Variants in NEMP2 observed in about 807,000 individuals in gnomAD.
NEMP2 encodes UPF0571 transmembrane protein.
Under a neutral mutation model 54.2 loss-of-function variants are expected in NEMP2, and 53 were observed. That is an observed-to-expected ratio of 0.98 (90% CI 0.78 to 1.23). The LOEUF (loss-of-function observed/expected upper bound fraction) is 1.23. Among genes scored for constraint, NEMP2 ranks in the 50% most tolerant of loss-of-function variants. The pLI, the probability that NEMP2 is intolerant of heterozygous loss-of-function variation, is 0.00. For missense variants in NEMP2, 455 were observed against 511.3 expected, an observed-to-expected ratio of 0.89 and a Z score of 1.06; for synonymous variants, 197 against 190.3, an observed-to-expected ratio of 1.04 and a Z score of -0.29.
the NEMP2 span, among the ~76,000 whole-genome samples, chr2:190,565,592 C>T: frequency 6.6e-6 from 1 of 152,174 alleles, no homozygotes; most frequent in African/African-American, 2.4e-5. Flanking sequence ...ATGATTATTT[C>T]ACCCAGCCCC....
chr2:190,440,986 G>A, the NEMP2 span, among the ~76,000 whole-genome samples: 1 of 152,286 alleles, frequency 6.6e-6, no homozygotes, highest in Admixed American at 6.5e-5. Flanking sequence ...GCACATGATA[G>A]TCTGGTCACT....
the NEMP2 span, among the ~76,000 whole-genome samples, chr2:190,554,049 G>A: frequency 3.9e-5 from 6 of 152,208 alleles, no homozygotes; most frequent in Non-Finnish European, 7.3e-5. This position sits in a 1 kb window ranked among gnomAD's most constrained non-coding sequence, Gnocchi z 5.7. Flanking sequence ...CCTCATCCGG[G>A]AAGCACAAGG....
the NEMP2 span, among the ~76,000 whole-genome samples, chr2:190,546,705 T>C: frequency 6.6e-6 from 1 of 152,160 alleles, no homozygotes; most frequent in African/African-American, 2.4e-5. This position sits in a 1 kb window ranked among gnomAD's most constrained non-coding sequence, Gnocchi z 5.1. Context: ...GATTTATAGG[T>C]CCTGTCCTTA....
the NEMP2 span, chr2:190,444,924 G>T: frequency 6.3e-6 from 5 of 799,864 alleles, no homozygotes; most frequent in Non-Finnish European, 7.6e-6. Context: ...TTTGCACTAT[G>T]TATCTTGGTA....
chr2:190,534,543 G>A lies in NEMP2; in HGVS notation c.97+16C>T. On this transcript the variant is annotated intron_variant, in intron 1 of 8. Transcript: ENST00000409150. Reference sequence around the variant, plus strand: ...GAGCACGCACGCGCGCGCCGCCGCCGCCGGTCCCGGGTTACCTGATAACGC... The same window carrying A: ...GAGCACGCACGCGCGCGCCGCCGCCACCGGTCCCGGGTTACCTGATAACGC... The A allele has an allele frequency of 7.2e-7, 1 of 1,390,748 alleles. No individual in the cohort carries two copies. The highest frequency in any genetic ancestry group is 9.3e-7 in the Non-Finnish European group (1 of 1,077,580). 86.2% of individuals were successfully genotyped at this position (1,390,748 alleles called of 1,614,324 possible). A position where few individuals can be genotyped will look rare whatever the true frequency, so the allele number is the denominator to read the frequency against.
the NEMP2 span, among the ~76,000 whole-genome samples, chr2:190,451,599 A>G: frequency 6.6e-6 from 1 of 152,214 alleles, no homozygotes; most frequent in African/African-American, 2.4e-5. The surrounding 1 kb of genome is among the most constrained non-coding windows in gnomAD (Gnocchi z 5.0). Context: ...GAAGGGTCCT[A>G]AGAGTGACTG....
chr2:190,430,320 A>G, the NEMP2 span, among the ~76,000 whole-genome samples: 2 of 150,740 alleles, frequency 1.3e-5, no homozygotes, highest in South Asian at 2.1e-4. Context: ...GTGAACAAAG[A>G]TCTCTGGTTT....
the NEMP2 span, among the ~76,000 whole-genome samples, chr2:190,612,032 C>G: frequency 6.6e-6 from 1 of 152,228 alleles, no homozygotes; most frequent in Admixed American, 6.5e-5. Context: ...GAGGCCTAAT[C>G]ACCTTCAAAC....
the NEMP2 span, among the ~76,000 whole-genome samples, chr2:190,438,415 C>G: frequency 6.6e-6 from 1 of 152,138 alleles, no homozygotes; most frequent in Non-Finnish European, 1.5e-5. This position sits in a 1 kb window ranked among gnomAD's most constrained non-coding sequence, Gnocchi z 5.2. Context: ...ACTCGGGAGG[C>G]TGACGCACAA....
chr2:190,474,494 C>A, the NEMP2 span, among the ~76,000 whole-genome samples: 2 of 152,178 alleles, frequency 1.3e-5, no homozygotes, highest in Non-Finnish European at 2.9e-5. Flanking sequence ...TTGACACAAA[C>A]AACCTCCCAA....
chr2:190,532,015 C>T (rs1378919273), intron 1 of NEMP2, among the ~76,000 whole-genome samples: 1 of 152,088 alleles, frequency 6.6e-6, no homozygotes, highest in African/African-American at 2.4e-5. Flanking sequence ...AGAATGGAAT[C>T]ATAATATAAA....
rs1690410899 is a variant in NEMP2, at chr2:190,512,724, G to T, written c.953+1729C>A. Among the ~76,000 whole-genome samples the T allele has an allele frequency of 6.6e-6, 1 of 152,180 alleles. No homozygotes were observed. Among genetic ancestry groups the T allele is most frequent in the African/African-American group, 2.4e-5 (1 of 41,452 alleles). ...GCCAGGGACCTGGAAGATGTTGGGG[G>T]ACCAGCCTCACTGACAAAAGACCTC... On this transcript the variant is annotated intron_variant, in intron 7 of 8. Coordinates refer to ENST00000409150, the MANE Select transcript of NEMP2 (RefSeq NM_001142645.2). The surrounding 1 kb of genome is among the most constrained non-coding windows in gnomAD (Gnocchi z 4.5).
chr2:190,569,217 TAGAA>T, the NEMP2 span, among the ~76,000 whole-genome samples: 6 of 152,266 alleles, frequency 3.9e-5, 1 homozygote, highest in African/African-American at 9.6e-5. Flanking sequence ...TAAACAATTT[TAGAA>T]AGAAAAATGA....
chr2:190,427,027 T>G, the NEMP2 span, among the ~76,000 whole-genome samples: 24 of 152,218 alleles, frequency 1.6e-4, no homozygotes, highest in African/African-American at 4.8e-4. Flanking sequence ...CCAGTAGGCC[T>G]CCTCACATGG....
the NEMP2 span, among the ~76,000 whole-genome samples, chr2:190,572,833 GTATATATATATATATATATATATA>G: frequency 1.8e-3 from 85 of 47,870 alleles, 2 homozygotes; most frequent in African/African-American, 5.2e-3. Flanking sequence ...CTTTTCATGA[GTATATATATATATATATATATATA>G]TATATATATA....
At chr2:190,644,838 C>A in the NEMP2 span, among the ~76,000 whole-genome samples, 1 of 152,086 alleles carries the variant, frequency 6.6e-6, no homozygotes, top group African/African-American at 2.4e-5. The surrounding 1 kb of genome is among the most constrained non-coding windows in gnomAD (Gnocchi z 4.4). Flanking sequence ...GTACAATGAA[C>A]CCCAGTGACA....
At chr2:190,471,447 C>T in the NEMP2 span, among the ~76,000 whole-genome samples, 38 of 152,312 alleles carry the variant, frequency 2.5e-4, no homozygotes, top group East Asian at 3.9e-4. This position sits in a 1 kb window ranked among gnomAD's most constrained non-coding sequence, Gnocchi z 4.7. Flanking sequence ...GATTATATCC[C>T]GCACCTGGCT....
the NEMP2 span, among the ~76,000 whole-genome samples, chr2:190,479,587 C>T: frequency 1.3e-5 from 2 of 152,186 alleles, no homozygotes; most frequent in East Asian, 1.9e-4. Flanking sequence ...ACTTGTTATT[C>T]TCCTTCCTCT....
chr2:190,606,238 A>T, the NEMP2 span, among the ~76,000 whole-genome samples: 225 of 152,236 alleles, frequency 1.5e-3, 4 homozygotes, highest in Non-Finnish European at 2.2e-4. Context: ...CCAGTGACCT[A>T]AATTTTTCCT....
Sources: gnomAD v4.1 joint callset for allele counts (sites outside exome capture counted in the v4.1 genomes callset) on GRCh38, gnomAD v4.1.1 for gene constraint, Gnocchi (gnomAD v3.1) non-coding constraint, MANE v1.5 for transcripts, NCBI Gene and HGNC (gene_info 2026-07-23, HGNC 2026-07-21) for gene names.